Variants in ADAMTS2 observed in about 807,000 individuals in gnomAD.
ADAMTS2 encodes A disintegrin and metalloproteinase with thrombospondin motifs 2.
A neutral mutation model predicts 123.0 loss-of-function variants in ADAMTS2; 50 were observed. That is an observed-to-expected ratio of 0.41 (90% CI 0.32 to 0.51). ADAMTS2 has a LOEUF of 0.51. ADAMTS2 is among the 20% of genes least tolerant of loss of function. The pLI is 0.35. For missense variants in ADAMTS2, 1,494 were observed against 1,705.2 expected (o/e 0.88, Z 2.18); for synonymous variants, 678 against 695.4 (o/e 0.98, Z 0.39).
intron 2 of ADAMTS2, among the ~76,000 whole-genome samples, chr5:179,284,400 G>A (rs1755948861): frequency 6.6e-6 from 1 of 151,876 alleles, no homozygotes. Context: ...TATTATTTTG[G>A]AGACAGTGTC....
chr5:179,136,867 G>C (rs1197596109), intron 12 of ADAMTS2, among the ~76,000 whole-genome samples: 1 of 152,084 alleles, frequency 6.6e-6, no homozygotes, highest in East Asian at 1.9e-4. Flanking sequence ...CTACTCAGGA[G>C]GCTGAGGCAG....
chr5:179,161,478 C>A (rs1019055963), intron 5 of ADAMTS2, among the ~76,000 whole-genome samples: 1 of 152,146 alleles, frequency 6.6e-6, no homozygotes, highest in Non-Finnish European at 1.5e-5. Flanking sequence ...CTCACTCATA[C>A]GTGGAAGCTA....
intron 13 of ADAMTS2, among the ~76,000 whole-genome samples, chr5:179,133,172 C>T (rs573547907): frequency 2.7e-3 from 413 of 152,282 alleles, no homozygotes; most frequent in African/African-American, 9.5e-3. Context: ...CCCCTGTGCA[C>T]GCGGCTGGTC....
intron 2 of ADAMTS2, among the ~76,000 whole-genome samples, chr5:179,292,794 A>C (rs1470963853): frequency 6.6e-6 from 1 of 152,160 alleles, no homozygotes; most frequent in East Asian, 1.9e-4. Context: ...CCCACCCTGG[A>C]GTGCAGACCA....
intron 10 of ADAMTS2, 41 bp from the exon 11 acceptor site, chr5:179,140,076 C>A (rs368915462): frequency 6.2e-7 from 1 of 1,612,994 alleles, no homozygotes; most frequent in East Asian, 2.2e-5. Context: ...ACCCTCACAC[C>A]GGGCCGTGGG....
chr5:179,155,048 C>G lies in ADAMTS2; in HGVS notation c.1133-129G>C, dbSNP rs548347546. The G allele has an allele frequency of 1.2e-6, 1 of 811,562 alleles. No homozygotes were observed. 50.3% of individuals were successfully genotyped at this position (811,562 alleles called of 1,614,324 possible). ...CCTCTCTACCACAGGCAACTGCCCCCGGCTGGCACAGCTCAGAAGACACCA... is the reference window on the plus strand; with the variant it reads ...CCTCTCTACCACAGGCAACTGCCCCGGGCTGGCACAGCTCAGAAGACACCA... On this transcript the variant is annotated intron_variant, in intron 6 of 21. Coordinates refer to ENST00000251582, the MANE Select transcript of ADAMTS2 (RefSeq NM_014244.5). This position sits in a 1 kb window ranked among gnomAD's most constrained non-coding sequence, Gnocchi z 5.1.
At chr5:179,261,378 G>A (rs1766219654) in intron 3 of ADAMTS2, among the ~76,000 whole-genome samples, 1 of 152,210 alleles carries the variant, frequency 6.6e-6, no homozygotes, top group Non-Finnish European at 1.5e-5. Flanking sequence ...AGCTGCTGTG[G>A]GAGCCAGTCT....
chr5:179,265,818 A>G (rs1024255882), intron 3 of ADAMTS2, among the ~76,000 whole-genome samples: 62 of 152,240 alleles, frequency 4.1e-4, no homozygotes, highest in Non-Finnish European at 1.3e-4. Context: ...TCAGCCCTGA[A>G]GCACGCCTCC....
At position 179,162,563 on chromosome 5, in the gene ADAMTS2, C is replaced by T. The variant is rs750583030; in HGVS notation, c.976-3684G>A. Among the ~76,000 whole-genome samples the T allele has an allele frequency of 6.6e-5, 10 of 152,154 alleles. No individual in the cohort carries two copies. Among genetic ancestry groups the T allele is most frequent in the African/African-American group, 2.2e-4 (9 of 41,438 alleles). ...CTGTTGCACACCATACCGTATGGGC[C>T]CCTCCTGGGGCCGTCACCCATGTCA... On this transcript the variant is annotated intron_variant, in intron 5 of 21. Transcript: ENST00000251582. The surrounding 1 kb of genome is among the most constrained non-coding windows in gnomAD (Gnocchi z 5.1).
intron 4 of ADAMTS2, among the ~76,000 whole-genome samples, chr5:179,194,515 G>A (rs979098881): frequency 1.5e-4 from 23 of 152,160 alleles, no homozygotes; most frequent in East Asian, 3.9e-4. Context: ...GGGGAGAGGC[G>A]GGTGTGGCCA....
In ADAMTS2 at chr5:179,228,535, T is replaced by C. The variant is rs1765338794; in HGVS notation, c.689-20820A>G. 6.6e-6 allele frequency among the ~76,000 whole-genome samples: 1 copy of C among 152,334 alleles called. No individual in the cohort carries two copies. Among genetic ancestry groups the C allele is most frequent in the African/African-American group, 2.4e-5 (1 of 41,590 alleles). ...GTGTGGGTGTGAAGCGGAAGGAGAC[T>C]CTGCAGCAAGGCCCAGCTCTTATGC... is the stretch of plus-strand genomic sequence containing the variant. On this transcript the variant is annotated intron_variant, in intron 3 of 21. Transcript: ENST00000251582. This position sits in a 1 kb window ranked among gnomAD's most constrained non-coding sequence, Gnocchi z 5.2.
chr5:179,280,198 T>G (rs1368139333), intron 2 of ADAMTS2, among the ~76,000 whole-genome samples: 1 of 152,186 alleles, frequency 6.6e-6, no homozygotes, highest in Admixed American at 6.5e-5. Flanking sequence ...TTTTTTGGCC[T>G]AAGCTGGCCG....
At chr5:179,287,566 GC>G (rs776404201) in intron 2 of ADAMTS2, among the ~76,000 whole-genome samples, 3 of 152,132 alleles carry the variant, frequency 2.0e-5, no homozygotes, top group Non-Finnish European at 4.4e-5. Context: ...AATTTTCTGG[GC>G]GATCCCAAGG....
At chr5:179,319,164 C>T (rs532878619) in intron 2 of ADAMTS2, among the ~76,000 whole-genome samples, 3 of 152,144 alleles carry the variant, frequency 2.0e-5, no homozygotes, top group East Asian at 1.9e-4. Context: ...TGCACTCACA[C>T]GCAGGCGTCA....
intron 5 of ADAMTS2, among the ~76,000 whole-genome samples, chr5:179,161,632 C>G (rs1281064880): frequency 6.6e-6 from 1 of 152,130 alleles, no homozygotes; most frequent in Non-Finnish European, 1.5e-5. Context: ...CGGAAAGCGC[C>G]TGGAATCCGT....
intron 3 of ADAMTS2, among the ~76,000 whole-genome samples, chr5:179,210,642 G>A (rs891526600): frequency 3.3e-5 from 5 of 152,328 alleles, no homozygotes; most frequent in South Asian, 4.1e-4. Context: ...CACGCCCTGC[G>A]TCTGGCCCCT....
rs561791511 is a variant in ADAMTS2 at position 179,230,227 on chromosome 5, T to C, written c.689-22512A>G. Among the ~76,000 whole-genome samples the C allele has an allele frequency of 2.0e-5, 3 of 152,034 alleles. No homozygotes were observed. The South Asian group carries it at 6.2e-4, about 32-fold the overall frequency. On this transcript the variant is annotated intron_variant, in intron 3 of 21. Transcript: ENST00000251582. ...CGTGAGGTGGGCAGGCAGGGTGCCCTCGGGGGCAAGGGGGGAGGGGATGCG... is the reference window on the plus strand; with the variant it reads ...CGTGAGGTGGGCAGGCAGGGTGCCCCCGGGGGCAAGGGGGGAGGGGATGCG...
At chr5:179,325,990 G>T (rs1262798512) in intron 2 of ADAMTS2, among the ~76,000 whole-genome samples, 1 of 152,254 alleles carries the variant, frequency 6.6e-6, no homozygotes, top group Non-Finnish European at 1.5e-5. Flanking sequence ...CCTCCCAGCT[G>T]AGGGGTGCGG....
intron 3 of ADAMTS2, among the ~76,000 whole-genome samples, chr5:179,231,184 T>C (rs1195009187): frequency 6.6e-6 from 1 of 152,022 alleles, no homozygotes; most frequent in Admixed American, 6.6e-5. Context: ...CACATGAGGA[T>C]CTGTAATCAA....
Sources: allele counts gnomAD v4.1 joint callset (sites outside exome capture counted in the v4.1 genomes callset), GRCh38; gene constraint gnomAD v4.1.1; non-coding constraint Gnocchi (gnomAD v3.1); transcripts MANE v1.5; gene names NCBI Gene and HGNC (gene_info 2026-07-23, HGNC 2026-07-21).